PRAG1: variants seen among roughly 807,000 people sequenced by gnomAD.
PRAG1 encodes PEAK1 related, kinase-activating pseudokinase 1.
A neutral mutation model predicts 95.6 loss-of-function variants in PRAG1; 110 were observed. The observed-to-expected ratio is 1.15, with a 90% CI of 0.99 to 1.35. The LOEUF is 1.35. Ranked by LOEUF, PRAG1 falls within the 40% of genes most tolerant of loss-of-function variation. PRAG1 has a pLI of 0.00. For synonymous variants in PRAG1, 1,052 were observed against 819.4 expected, an observed-to-expected ratio of 1.28 and a Z score of -4.85; for missense variants, 2,554 against 1,864.7, an observed-to-expected ratio of 1.37 and a Z score of -6.81.
At chr8:8,323,554 G>A (rs898572004) in intron 5 of PRAG1, among the ~76,000 whole-genome samples, 6 of 152,048 alleles carry the variant, frequency 3.9e-5, no homozygotes, top group Non-Finnish European at 5.9e-5. Flanking sequence ...TTGAACTCCT[G>A]ACCTCGTGAT....
rs749473491 is a variant in PRAG1 at position 8,318,411 on chromosome 8, T to C, written c.3964A>G (p.Lys1322Glu). The change falls in exon 6 of 6, where the codon AAG becomes GAG. Residue 1322 changes from lysine to glutamate, a missense_variant. Coordinates refer to ENST00000615670, the MANE Select transcript of PRAG1 (RefSeq NM_001080826.3). This position sits in a 1 kb window ranked among gnomAD's most constrained non-coding sequence, Gnocchi z 4.2. ...CACAGCAGGCACTGCAGCACGCGCT[T>C]GGCCTCGCCGATGCGGATACGCTTG... ...PIKRIRIGEAKRVLQCLLWGP... is the reference protein window; with the variant it reads ...PIKRIRIGEAERVLQCLLWGP... 1.2e-6 allele frequency: 2 copies of C among 1,613,262 alleles called. No individual in the cohort carries two copies. Among genetic ancestry groups the C allele is most frequent in the South Asian group, 1.1e-5 (1 of 91,044 alleles).
chr8:8,363,364 G>A (rs1799906338), intron 3 of PRAG1, among the ~76,000 whole-genome samples: 1 of 152,142 alleles, frequency 6.6e-6, no homozygotes, highest in African/African-American at 2.4e-5. Flanking sequence ...GTATATACAT[G>A]CAATGGACTA....
intron 5 of PRAG1, among the ~76,000 whole-genome samples, chr8:8,320,030 G>C (rs1161023274): frequency 6.6e-6 from 1 of 152,216 alleles, no homozygotes; most frequent in Non-Finnish European, 1.5e-5. Context: ...CAGTTTGTTA[G>C]TTTCTTAAAA....
chr8:8,333,631 C>A (rs1399061076), intron 4 of PRAG1, among the ~76,000 whole-genome samples: 1 of 152,202 alleles, frequency 6.6e-6, no homozygotes, highest in East Asian at 1.9e-4. Flanking sequence ...TAGGCACTTT[C>A]ATTGTTCTCT....
intron 3 of PRAG1, among the ~76,000 whole-genome samples, chr8:8,348,615 G>A (rs1031054076): frequency 2.0e-5 from 3 of 151,882 alleles, no homozygotes; most frequent in African/African-American, 7.3e-5. Flanking sequence ...TCCTAACTGT[G>A]GCTCAGAGGA....
chr8:8,334,121 C>T (rs1014197869), intron 4 of PRAG1, among the ~76,000 whole-genome samples: 3 of 152,128 alleles, frequency 2.0e-5, no homozygotes, highest in African/African-American at 7.2e-5. Context: ...GCAGGTTCAA[C>T]ATGAAATGTA....
Position 8,319,121 on chromosome 8 carries a change from T to C in PRAG1, c.3254A>G (p.Gln1085Arg). Residue 1085 changes from glutamine to arginine, a missense_variant, in exon 6 of 6, where the codon CAG (glutamine) becomes CGG (arginine). By Grantham distance (43) the Gln-to-Arg change is conservative. Transcript: ENST00000615670. ...TCGGGTGATGACCACCACGCAGTCC[T>C]GCTCCTGGGCAGGGGGGTGTGTGGG... ...ALPTHPPAQE[Q>R]DCVVVITREV... 1 of 1,607,112 alleles carries C rather than the reference T, an allele frequency of 6.2e-7. No individual in the cohort carries two copies. The highest frequency in any genetic ancestry group is 8.5e-7 in the Non-Finnish European group (1 of 1,177,778).
Position 8,376,727 on chromosome 8 carries a change from G to A in PRAG1, c.1682C>T (p.Ser561Phe), listed in dbSNP as rs1437453901. The change falls in exon 3 of 6, where the codon TCT becomes TTT. Residue 561 changes from serine to phenylalanine, a missense_variant. Coordinates refer to ENST00000615670, the MANE Select transcript of PRAG1 (RefSeq NM_001080826.3). ...SSPVGSPVSP[S>F]AGGPPVSPLA... ...CGGTGACACTGGGGGCCCTCCAGCAGACGGTGACACCGGGGACCCTACAGG... is the reference window on the plus strand; with the variant it reads ...CGGTGACACTGGGGGCCCTCCAGCAAACGGTGACACCGGGGACCCTACAGG... The A allele has an allele frequency of 3.7e-6, 6 of 1,610,078 alleles. No homozygotes were observed. The highest frequency in any genetic ancestry group is 5.1e-6 in the Non-Finnish European group (6 of 1,179,984).
intron 1 of PRAG1, among the ~76,000 whole-genome samples, chr8:8,384,405 G>C (rs766101924): frequency 3.9e-5 from 6 of 152,106 alleles, no homozygotes; most frequent in Non-Finnish European, 8.8e-5. Flanking sequence ...CCCATTCTCA[G>C]CTCAGAAATC....
intron 3 of PRAG1, among the ~76,000 whole-genome samples, chr8:8,366,852 A>T (rs1800024354): frequency 6.6e-6 from 1 of 151,504 alleles, no homozygotes; most frequent in Non-Finnish European, 1.5e-5. Flanking sequence ...TCATTTTTGT[A>T]ATTTTTTTTG....
chr8:8,324,687 C>T (rs918219979), intron 5 of PRAG1, among the ~76,000 whole-genome samples: 6 of 152,146 alleles, frequency 3.9e-5, no homozygotes, highest in African/African-American at 1.4e-4. Flanking sequence ...TTTGCTGAGC[C>T]AGGACTCATT....
intron 3 of PRAG1, among the ~76,000 whole-genome samples, chr8:8,360,598 G>T (rs1273663651): frequency 6.6e-6 from 1 of 152,164 alleles, no homozygotes; most frequent in Non-Finnish European, 1.5e-5. Flanking sequence ...TATTCTTCCA[G>T]TTCTCTAATT....
chr8:8,328,425 C>G lies in PRAG1; in HGVS notation c.2357G>C (p.Ser786Thr). The G allele has an allele frequency of 6.2e-7, 1 of 1,613,714 alleles. No individual in the cohort carries two copies. Among genetic ancestry groups the G allele is most frequent in the Non-Finnish European group, 8.5e-7 (1 of 1,180,024 alleles). ...AACGGGAGCAAAGAGCTTCTTCCCGCTGTTGGTGGGCGAGTGAGCCAGCTC... is the reference window on the plus strand; with the variant it reads ...AACGGGAGCAAAGAGCTTCTTCCCGGTGTTGGTGGGCGAGTGAGCCAGCTC... ...SSELAHSPTN[S>T]GKKLFAPVPF... The change falls in exon 5 of 6, where the codon AGC becomes ACC. Residue 786 changes from serine (S) to threonine (T), a missense_variant. By Grantham distance (58) the Ser-to-Thr change is moderately conservative (BLOSUM62 1). Coordinates refer to ENST00000615670, the MANE Select transcript of PRAG1 (RefSeq NM_001080826.3).
At chr8:8,331,759 G>T (rs1798825977) in intron 4 of PRAG1, among the ~76,000 whole-genome samples, 1 of 152,134 alleles carries the variant, frequency 6.6e-6, no homozygotes, top group African/African-American at 2.4e-5. Context: ...TATTCAGGCA[G>T]CTGGAAGGAA....
chr8:8,369,551 A>G (rs778798453), intron 3 of PRAG1, among the ~76,000 whole-genome samples: 16 of 152,306 alleles, frequency 1.1e-4, no homozygotes, highest in Admixed American at 3.3e-4. Flanking sequence ...TAAACACGGC[A>G]CTGTCTCTGT....
At position 8,381,398 on chromosome 8, in the gene PRAG1, C is replaced by A. The variant is rs1421807175; in HGVS notation, c.330+20G>T. 8.2e-6 allele frequency: 13 copies of A among 1,586,594 alleles called. No individual in the cohort carries two copies. Among genetic ancestry groups the A allele is most frequent in the Non-Finnish European group, 1.1e-5 (13 of 1,161,326 alleles). ...AGGAGCAGCCCCTGTAAAAATACCA[C>A]GAGTGTTAGTCAGCCTCACCTGCGA... On this transcript the variant is annotated intron_variant, in intron 2 of 5. Transcript: ENST00000615670.
chr8:8,320,001 T>C (rs1370101872), intron 5 of PRAG1, among the ~76,000 whole-genome samples: 1 of 152,272 alleles, frequency 6.6e-6, no homozygotes, highest in South Asian at 2.1e-4. Flanking sequence ...GAATGTAAAA[T>C]GGGGCAGACC....
At chr8:8,362,299 A>G (rs990255789) in intron 3 of PRAG1, among the ~76,000 whole-genome samples, 2 of 152,204 alleles carry the variant, frequency 1.3e-5, no homozygotes, top group Non-Finnish European at 2.9e-5. Context: ...CACACAAGCA[A>G]CACCGCATGG....
At chr8:8,360,978 C>T (rs894523350) in intron 3 of PRAG1, among the ~76,000 whole-genome samples, 6 of 152,186 alleles carry the variant, frequency 3.9e-5, no homozygotes, top group Non-Finnish European at 8.8e-5. Flanking sequence ...CTCTGTGGAT[C>T]ATATTTCTTT....
Sources: gnomAD v4.1 joint callset for allele counts (sites outside exome capture counted in the v4.1 genomes callset) on GRCh38, gnomAD v4.1.1 for gene constraint, Gnocchi (gnomAD v3.1) non-coding constraint, MANE v1.5 for transcripts, NCBI Gene and HGNC (gene_info 2026-07-23, HGNC 2026-07-21) for gene names.